C11orf65: variants seen among roughly 807,000 people sequenced by gnomAD.
C11orf65 encodes protein MFI.
In C11orf65, 38 loss-of-function variants were observed where a neutral mutation model predicts 35.3. The ratio of observed to expected loss-of-function variants is 1.08; its 90% CI spans 0.83 to 1.41. The LOEUF (loss-of-function observed/expected upper bound fraction) is 1.41, where lower values mean the gene tolerates loss of function less well. Among genes scored for constraint, C11orf65 ranks in the 40% most tolerant of loss-of-function variants. The pLI, the probability that C11orf65 is intolerant of heterozygous loss-of-function variation, is 0.00. For missense variants in C11orf65, 370 were observed against 367.1 expected, an observed-to-expected ratio of 1.01 and a Z score of -0.06; for synonymous variants, 105 against 114.4, an observed-to-expected ratio of 0.92 and a Z score of 0.53.
chr11:108,434,714 G>A (rs538182477), intron 2 of C11orf65, among the ~76,000 whole-genome samples: 1 of 152,302 alleles, frequency 6.6e-6, no homozygotes, highest in South Asian at 2.1e-4. Flanking sequence ...ATTATGGAAA[G>A]GGCAACACTT....
At chr11:108,312,288 G>C (rs540506269) in intron 6 of C11orf65, 1 of 730,640 alleles carries the variant, frequency 1.4e-6, no homozygotes, top group Non-Finnish European at 2.4e-6. Context: ...TAAAGTATAA[G>C]TGATTTATTC....
At chr11:108,365,635 T>C in intron 2 of C11orf65, 1 of 1,214,668 alleles carries the variant, frequency 8.2e-7, no homozygotes, top group South Asian at 1.5e-5. Context: ...TTTTTTTGAA[T>C]GTTGGTTTTA....
intron 6 of C11orf65, chr11:108,317,268 A>C: frequency 2.5e-6 from 3 of 1,223,906 alleles, no homozygotes; most frequent in Non-Finnish European, 3.5e-6. Context: ...TGATATTGTG[A>C]ACTAAAATTT....
At chr11:108,335,217 T>TA (rs756194438) in intron 3 of C11orf65, 5 of 1,578,010 alleles carry the variant, frequency 3.2e-6, no homozygotes, top group Admixed American at 3.5e-5. Context: ...TTTGAATACT[T>TA]ACAAATGAGG....
intron 2 of C11orf65, among the ~76,000 whole-genome samples, chr11:108,357,401 TA>T (rs920849369): frequency 2.6e-5 from 4 of 152,066 alleles, no homozygotes; most frequent in Admixed American, 6.5e-5. Flanking sequence ...CTTGATTAGG[TA>T]AACAAAGCAG....
chr11:108,398,843 T>C (rs1436632741), intron 6 of C11orf65, among the ~76,000 whole-genome samples: 1 of 152,270 alleles, frequency 6.6e-6, no homozygotes, highest in Non-Finnish European at 1.5e-5. Context: ...AGAGGTGTTG[T>C]TGCCAGAAGT....
chr11:108,393,593 C>T (rs186487740), intron 6 of C11orf65, among the ~76,000 whole-genome samples: 1 of 152,214 alleles, frequency 6.6e-6, no homozygotes, highest in East Asian at 1.9e-4. Context: ...CTTAAAATCA[C>T]CCCTCAATAA....
intron 6 of C11orf65, among the ~76,000 whole-genome samples, chr11:108,323,934 C>G (rs1209811173): frequency 6.6e-6 from 1 of 152,038 alleles, no homozygotes; most frequent in Non-Finnish European, 1.5e-5. Context: ...AAGAGATTTG[C>G]AAAAATGCAA....
rs376696460 is a variant in C11orf65, at chr11:108,461,600, A to C, written c.-9-32T>G. The C allele has an allele frequency of 3.2e-5, 40 of 1,262,092 alleles. 1 individual carries two copies. The highest frequency in any genetic ancestry group is 2.2e-6 in the Non-Finnish European group (2 of 891,476). The allele number at this position is 1,262,092 out of a possible 1,614,324, so 78.2% of individuals were successfully genotyped here. A position where few individuals can be genotyped will look rare whatever the true frequency, so the allele number is the denominator to read the frequency against. On this transcript the variant is annotated intron_variant, in intron 1 of 8. Transcript: ENST00000393084. ...GAAAATGAGCAAAAAGGGTACATTT[A>C]AAATAATTTTAATTTACTTTCATTT... is the stretch of plus-strand genomic sequence containing the variant.
At chr11:108,339,531 T>C (rs227069) in intron 2 of C11orf65, among the ~76,000 whole-genome samples, 57,255 of 151,760 alleles carry the variant, frequency 0.38, 11,791 homozygotes, top group Middle Eastern at 0.64. Context: ...TTTTTTGTGG[T>C]ATTCACACAA....
At chr11:108,329,304 G>T (rs1373764525), downstream of C11orf65, 2 of 1,396,454 alleles carry the variant, frequency 1.4e-6, no homozygotes, top group Non-Finnish European at 2.0e-6. Context: ...TTTTTGCATA[G>T]AAAGAGTGAC....
chr11:108,385,814 AT>A, intron 8 of C11orf65, 105 bp downstream of exon 8: 1 of 875,998 alleles, frequency 1.1e-6, no homozygotes, highest in South Asian at 1.6e-5. Context: ...ATCTAAATTT[AT>A]ATACTATGCA....
chr11:108,325,224 T>C, intron 6 of C11orf65: 1 of 890,854 alleles, frequency 1.1e-6, no homozygotes, highest in East Asian at 2.6e-5. Flanking sequence ...TATAATATTA[T>C]ATCGTAAGTT....
chr11:108,423,839 C>G (rs2092858114), intron 3 of C11orf65, among the ~76,000 whole-genome samples: 1 of 152,134 alleles, frequency 6.6e-6, no homozygotes, highest in Admixed American at 6.6e-5. Flanking sequence ...GGAAAACTAA[C>G]AAACAGAAAG....
chr11:108,431,839 C>T lies in C11orf65; in HGVS notation c.82-1G>A, dbSNP rs756558591. 2 of 1,475,160 alleles carry T rather than the reference C, an allele frequency of 1.4e-6. No homozygotes were observed. The highest frequency in any genetic ancestry group is 2.8e-5 in the African/African-American group (2 of 72,176). The allele number at this position is 1,475,160 out of a possible 1,614,324, so 91.4% of individuals were successfully genotyped here. ...TAAAGTGTTGAAATATAGCGACATT[C>T]TAAAGGTTCAAACACAAGATTTCAT... On this transcript the variant is annotated splice_acceptor_variant, in intron 2 of 8. Transcript: ENST00000393084. LOFTEE classifies it high-confidence loss of function.
Position 108,356,540 on chromosome 11 carries a change from TAAA to T in C11orf65, c.227-21251_227-21249del, listed in dbSNP as rs374615780. 1.0e-3 allele frequency among the ~76,000 whole-genome samples: 101 copies of T among 97,776 alleles called. 1 individual carries two copies. Among genetic ancestry groups the T allele is most frequent in the African/African-American group, 3.2e-3 (88 of 27,444 alleles). 64.1% of individuals were successfully genotyped at this position (97,776 alleles called of 152,430 possible). On this transcript the variant is annotated intron_variant, in intron 2 of 3. Coordinates refer to the C11orf65 transcript ENST00000524755. Reference sequence around the variant, plus strand: ...GACAAGAGCAAGACTCTGTCTGTCTTAAAAAAAAAAAAAAAAAAAAGCCCAAAC... The same window carrying T: ...GACAAGAGCAAGACTCTGTCTGTCTTAAAAAAAAAAAAAAAAAGCCCAAAC...
chr11:108,330,295 A>T (rs2136457026), downstream of C11orf65: 1 of 1,614,202 alleles, frequency 6.2e-7, no homozygotes, highest in Non-Finnish European at 8.5e-7. Flanking sequence ...AACGCTTCTT[A>T]TGTAAAGCAG....
intron 2 of C11orf65, among the ~76,000 whole-genome samples, chr11:108,440,314 C>T (rs1017470062): frequency 1.3e-5 from 2 of 152,252 alleles, no homozygotes; most frequent in South Asian, 4.1e-4. Flanking sequence ...TTATTATGCT[C>T]ATAATTATGG....
chr11:108,321,323 T>G lies in C11orf65; in HGVS notation c.641-12252A>C, dbSNP rs150408832. 1.1e-5 allele frequency: 18 copies of G among 1,614,154 alleles called. No individual in the cohort carries two copies. In the African/African-American group the frequency reaches 2.4e-4, roughly 22 times the overall value. On this transcript the variant is annotated intron_variant, in intron 6 of 6. Coordinates refer to the C11orf65 transcript ENST00000525729. ...TAGAGTAAAAGAAGTGGAAGAGATG[T>G]GTAAGCGCAGCCTTGAGTCTGTGTA...
Sources: allele counts gnomAD v4.1 joint callset (sites outside exome capture counted in the v4.1 genomes callset), GRCh38; gene constraint gnomAD v4.1.1; transcripts MANE v1.5; gene names NCBI Gene and HGNC (gene_info 2026-07-23, HGNC 2026-07-21).